Variants in KIAA1217 observed in about 807,000 individuals in gnomAD.
KIAA1217 encodes KIAA1217.
In KIAA1217, 88 loss-of-function variants were observed where a neutral mutation model predicts 163.9. The observed-to-expected ratio is 0.54, with a 90% CI of 0.45 to 0.64. The LOEUF is 0.64. Ranked by LOEUF, KIAA1217 falls within the 30% of genes least tolerant of loss-of-function variation. KIAA1217 has a pLI of 0.00. For missense variants in KIAA1217, 2,372 were observed against 2,475.0 expected (o/e 0.96, Z 0.88); for synonymous variants, 903 against 923.1 (o/e 0.98, Z 0.39).
intron 1 of KIAA1217, among the ~76,000 whole-genome samples, chr10:23,785,883 G>A (rs1341775540): frequency 6.6e-6 from 1 of 152,062 alleles, no homozygotes; most frequent in Non-Finnish European, 1.5e-5. Context: ...GGAACATGAA[G>A]CCATATGGGG....
chr10:23,829,093 A>ACCT (rs1838049596), intron 1 of KIAA1217, among the ~76,000 whole-genome samples: 3 of 152,204 alleles, frequency 2.0e-5, no homozygotes, highest in Non-Finnish European at 2.9e-5. Context: ...GGATAAGGAA[A>ACCT]TATAACACTA....
intron 2 of KIAA1217, among the ~76,000 whole-genome samples, chr10:24,108,912 A>T (rs1377049794): frequency 6.6e-6 from 1 of 152,054 alleles, no homozygotes; most frequent in African/African-American, 2.4e-5. Flanking sequence ...GCTCACTGCA[A>T]CCTCCGCCTC....
Position 24,501,407 on chromosome 10 carries a change from G to C in KIAA1217, c.1863G>C (p.Met621Ile), listed in dbSNP as rs766929662. The C allele has an allele frequency of 6.2e-7, 1 of 1,612,550 alleles. No individual in the cohort carries two copies. Among genetic ancestry groups the C allele is most frequent in the Admixed American group, 1.7e-5 (1 of 59,984 alleles). The change falls in exon 9 of 21, where the codon ATG (methionine) becomes ATC (isoleucine). Residue 621 changes from methionine to isoleucine, a missense_variant. Physicochemically the swap from Met to Ile is conservative, Grantham distance 10. Around this residue, in one of 3 missense-constraint regions of KIAA1217, gnomAD observed 1,431 missense variants for 1,470.3 expected, o/e 0.97. Coordinates refer to ENST00000376454, the MANE Select transcript of KIAA1217 (RefSeq NM_019590.5). ...CGCCCCATGTGTCTGGTGGGAAGAT[G>C]CTCAGTGCTCTGGAGTCCACGGTGC... ...AGTPHVSGGK[M>I]LSALESTVPP...
intron 2 of KIAA1217, among the ~76,000 whole-genome samples, chr10:24,112,745 C>T (rs751228947): frequency 1.3e-5 from 2 of 151,842 alleles, no homozygotes; most frequent in African/African-American, 2.4e-5. Flanking sequence ...CCCCCATGCC[C>T]GGCCAATTTT....
intron 1 of KIAA1217, among the ~76,000 whole-genome samples, chr10:23,930,228 A>G (rs1360217510): frequency 6.6e-6 from 1 of 151,944 alleles, no homozygotes; most frequent in Non-Finnish European, 1.5e-5. Context: ...CCACTTTTAA[A>G]TGGGGTTATT....
intron 3 of KIAA1217, among the ~76,000 whole-genome samples, chr10:24,423,972 A>G (rs2058973345): frequency 6.6e-6 from 1 of 152,218 alleles, no homozygotes; most frequent in Non-Finnish European, 1.5e-5. Context: ...GAAATAAAAA[A>G]ATAATTGACA....
At chr10:24,237,352 A>G (rs1348023036) in intron 2 of KIAA1217, among the ~76,000 whole-genome samples, 1 of 152,100 alleles carries the variant, frequency 6.6e-6, no homozygotes, top group Non-Finnish European at 1.5e-5. Context: ...GCTGGTTACA[A>G]ATTTTTCTCT....
At chr10:23,825,538 G>C (rs1180329076) in intron 1 of KIAA1217, among the ~76,000 whole-genome samples, 1 of 152,116 alleles carries the variant, frequency 6.6e-6, no homozygotes, top group Non-Finnish European at 1.5e-5. Context: ...GATTGATTTT[G>C]GTTATTAAAC....
chr10:24,381,590 C>A (rs536186630), intron 3 of KIAA1217, among the ~76,000 whole-genome samples: 1 of 152,154 alleles, frequency 6.6e-6, no homozygotes, highest in African/African-American at 2.4e-5. Flanking sequence ...CCTGATGATC[C>A]GAGATGGAGC....
chr10:24,328,238 T>C (rs1238004277), intron 2 of KIAA1217, among the ~76,000 whole-genome samples: 1 of 152,120 alleles, frequency 6.6e-6, no homozygotes, highest in Non-Finnish European at 1.5e-5. Context: ...GGGGGTTATG[T>C]AGCAGGGAAG....
upstream of KIAA1217, chr10:24,208,892 T>C: frequency 4.5e-6 from 1 of 224,186 alleles, no homozygotes; most frequent in Non-Finnish European, 8.8e-6. Flanking sequence ...CGCATCGCCC[T>C]GCCCTGGCAG....
chr10:24,416,301 C>G (rs939918802), intron 3 of KIAA1217, among the ~76,000 whole-genome samples: 6 of 152,188 alleles, frequency 3.9e-5, no homozygotes, highest in African/African-American at 1.4e-4. Context: ...CAAAAATAAT[C>G]AGATCCCTGC....
At chr10:23,792,977 C>G (rs1263623642) in intron 1 of KIAA1217, among the ~76,000 whole-genome samples, 1 of 149,592 alleles carries the variant, frequency 6.7e-6, no homozygotes, top group Non-Finnish European at 1.5e-5. Flanking sequence ...TTCACAGTGC[C>G]TTACAGTTTG....
At chr10:24,171,246 C>T (rs544254711) in intron 2 of KIAA1217, among the ~76,000 whole-genome samples, 14 of 152,094 alleles carry the variant, frequency 9.2e-5, no homozygotes, top group Non-Finnish European at 1.6e-4. Context: ...CAGCTTACAA[C>T]GAATTTATAA....
chr10:23,744,058 G>A (rs1303599003), intron 1 of KIAA1217, among the ~76,000 whole-genome samples: 1 of 152,182 alleles, frequency 6.6e-6, no homozygotes, highest in East Asian at 1.9e-4. Flanking sequence ...CCACGTAGAA[G>A]GGAAGCATCC....
At chr10:24,534,005 T>C (rs1179666772) in intron 16 of KIAA1217, among the ~76,000 whole-genome samples, 1 of 152,204 alleles carries the variant, frequency 6.6e-6, no homozygotes, top group Non-Finnish European at 1.5e-5. Context: ...ATTTGCCTCA[T>C]GCTTCTTATA....
At chr10:24,053,685 G>A (rs190585626) in intron 2 of KIAA1217, among the ~76,000 whole-genome samples, 203 of 152,260 alleles carry the variant, frequency 1.3e-3, no homozygotes, top group African/African-American at 4.8e-3. Context: ...GTCTGGCATT[G>A]TGCTAAATAC....
chr10:24,323,559 T>A (rs1472335725), intron 2 of KIAA1217, among the ~76,000 whole-genome samples: 1 of 152,188 alleles, frequency 6.6e-6, no homozygotes, highest in Non-Finnish European at 1.5e-5. Flanking sequence ...GACCTTTACT[T>A]CTCAGTAATA....
chr10:24,413,378 G>A (rs2057970086), intron 3 of KIAA1217, among the ~76,000 whole-genome samples: 2 of 152,062 alleles, frequency 1.3e-5, no homozygotes, highest in South Asian at 4.2e-4. Flanking sequence ...CACCATATTG[G>A]TCAGGCTGGT....
Sources: gnomAD v4.1 joint callset for allele counts (sites outside exome capture counted in the v4.1 genomes callset) on GRCh38, gnomAD v4.1.1 for gene constraint, gnomAD v4.1.1 regional missense constraint, MANE v1.5 for transcripts, NCBI Gene and HGNC (gene_info 2026-07-23, HGNC 2026-07-21) for gene names.